The following DYNC1H1 variants were observed in gnomAD, a reference collection of about 807,000 sequenced individuals.
DYNC1H1 encodes the protein cytoplasmic dynein 1 heavy chain 1.
DYNC1H1 carries 51 observed loss-of-function variants against 527.1 expected under a neutral mutation model. That is an observed-to-expected ratio of 0.10 (90% CI 0.08 to 0.12). DYNC1H1 has a LOEUF of 0.12. Ranked by LOEUF, DYNC1H1 falls within the 10% of genes least tolerant of loss-of-function variation. The probability of loss-of-function intolerance (pLI) is 1.00; values close to 1 mark genes in which losing one functional copy is unlikely to be tolerated. For missense variants in DYNC1H1, 2,771 were observed against 5,971.8 expected, an observed-to-expected ratio of 0.46 and a Z score of 17.66; for synonymous variants, 2,189 against 2,278.8, an observed-to-expected ratio of 0.96 and a Z score of 1.12.
rs764050444 is a variant in DYNC1H1 at position 101,985,649 on chromosome 14, T to G, written c.1462-38T>G. 6.2e-7 allele frequency: 1 copy of G among 1,611,296 alleles called. No individual in the cohort carries two copies. The highest frequency in any genetic ancestry group is 8.5e-7 in the Non-Finnish European group (1 of 1,177,440). ...TAAAATAAATTTTAAAGCCTTCGTT[T>G]GGTCAGCATTTCTTGATTACATATC... On this transcript the variant is annotated intron_variant, in intron 7 of 77. Coordinates refer to ENST00000360184, the MANE Select transcript of DYNC1H1 (RefSeq NM_001376.5). This position sits in a 1 kb window ranked among gnomAD's most constrained non-coding sequence, Gnocchi z 5.9.
chr14:102,032,411 C>G lies in DYNC1H1; in HGVS notation c.10023C>G (p.Ile3341Met). The G allele has an allele frequency of 6.2e-7, 1 of 1,614,252 alleles. No individual in the cohort carries two copies. The highest frequency in any genetic ancestry group is 8.5e-7 in the Non-Finnish European group (1 of 1,180,056). Reference sequence around the variant, plus strand: ...CAGACTGGAAGCAGATCCGCTCCATCATCATGCGGGAGAACTTCATCCCCA... The same window carrying G: ...CAGACTGGAAGCAGATCCGCTCCATGATCATGCGGGAGAACTTCATCCCCA... Reference protein sequence around the residue: ...STTDWKQIRSIIMRENFIPTI... With the variant: ...STTDWKQIRSMIMRENFIPTI... The change falls in exon 52 of 78, where the codon ATC becomes ATG. Residue 3341 changes from isoleucine (I) to methionine (M), a missense_variant. This residue lies in a region of DYNC1H1 where 283 missense variants were observed against 737.6 expected (regional missense o/e 0.38). Transcript: ENST00000360184.
intron 2 of DYNC1H1, among the ~76,000 whole-genome samples, chr14:101,977,608 C>G (rs2047816494): frequency 1.3e-5 from 2 of 152,298 alleles, no homozygotes; most frequent in South Asian, 4.1e-4. Flanking sequence ...GTCCCTTATA[C>G]TAATTTTCCC....
At position 102,022,751 on chromosome 14, in the gene DYNC1H1, A is replaced by G. The variant is rs758493928; in HGVS notation, c.8508A>G (p.Arg2836=). Residue 2836 remains arginine (R), a splice_region_variant and synonymous_variant, in exon 43 of 78, where the codon AGA becomes AGG. Coordinates refer to ENST00000360184, the MANE Select transcript of DYNC1H1 (RefSeq NM_001376.5). ...AATGCACATGCTGCTCTCCCCACAG[A>G]CTCGTAGAGGATGAGGAGAGGCGTT... ...AHEALRLFQD[R]LVEDEERRWT... 1 of 1,613,922 alleles carries G rather than the reference A, an allele frequency of 6.2e-7. No individual in the cohort carries two copies. Among genetic ancestry groups the G allele is most frequent in the South Asian group, 1.1e-5 (1 of 91,066 alleles).
chr14:102,043,115 C>T, intron 69 of DYNC1H1: 1 of 342,578 alleles, frequency 2.9e-6, no homozygotes, highest in Non-Finnish European at 5.7e-6. Flanking sequence ...AACTCCGTCT[C>T]TACTAAAAAT....
chr14:101,992,486 A>G (rs941790036), intron 11 of DYNC1H1, among the ~76,000 whole-genome samples: 1 of 152,084 alleles, frequency 6.6e-6, no homozygotes, highest in Non-Finnish European at 1.5e-5. Flanking sequence ...CCGTGTTTCT[A>G]TTTGCATTGT....
intron 1 of DYNC1H1, among the ~76,000 whole-genome samples, chr14:101,975,126 A>G (rs771820015): frequency 4.6e-5 from 7 of 152,198 alleles, no homozygotes; most frequent in Non-Finnish European, 7.3e-5. Flanking sequence ...GGAATCACAA[A>G]CTTCTGAATT....
rs1234988229 is a variant in DYNC1H1 at position 102,001,397 on chromosome 14, G to A, written c.4395+43G>A. On this transcript the variant is annotated intron_variant, in intron 20 of 77. Coordinates refer to ENST00000360184, the MANE Select transcript of DYNC1H1 (RefSeq NM_001376.5). This position sits in a 1 kb window ranked among gnomAD's most constrained non-coding sequence, Gnocchi z 5.0. ...ACGGCTGCTTTACGTTGTGTTTCGG[G>A]CTGTTACATAGATCTGAGCTATGTA... The A allele has an allele frequency of 1.2e-6, 2 of 1,613,334 alleles. No individual in the cohort carries two copies. The highest frequency in any genetic ancestry group is 1.1e-5 in the South Asian group (1 of 90,992).
chr14:102,047,641 G>GTGTGTGTGTATATATATATATA, intron 72 of DYNC1H1, 176 bp from the exon 73 acceptor site: 70 of 316,732 alleles, frequency 2.2e-4, no homozygotes, highest in African/African-American at 7.8e-4. Context: ...GTGTGTGTGT[G>GTGTGTGTGTATATATATATATA]TATATATATA....
Position 102,002,464 on chromosome 14 carries a change from T to C in DYNC1H1, c.4543-73T>C, listed in dbSNP as rs1463267879. ...ACTTCATGAGATCCTGATCTGCGCTTTTTCAGTGAGTTTTGGCATATCTGT... is the reference window on the plus strand; with the variant it reads ...ACTTCATGAGATCCTGATCTGCGCTCTTTCAGTGAGTTTTGGCATATCTGT... On this transcript the variant is annotated intron_variant, in intron 21 of 77. Coordinates refer to ENST00000360184, the MANE Select transcript of DYNC1H1 (RefSeq NM_001376.5). The surrounding 1 kb of genome is among the most constrained non-coding windows in gnomAD (Gnocchi z 4.4). 6.5e-5 allele frequency: 104 copies of C among 1,596,674 alleles called. No homozygotes were observed. Among genetic ancestry groups the C allele is most frequent in the Non-Finnish European group, 8.9e-5 (104 of 1,165,942 alleles).
In DYNC1H1 at chr14:102,028,820, G is replaced by T. The variant is rs17541331; in HGVS notation, c.9468+679G>T. Reference sequence around the variant, plus strand: ...ATAAATGTTTTAACCTTTACAGGTGGAGTAGTCTCGGGCACAGCTACTCAG... The same window carrying T: ...ATAAATGTTTTAACCTTTACAGGTGTAGTAGTCTCGGGCACAGCTACTCAG... On this transcript the variant is annotated intron_variant, in intron 48 of 77. Coordinates refer to ENST00000360184, the MANE Select transcript of DYNC1H1 (RefSeq NM_001376.5). 5.8e-3 allele frequency: 948 copies of T among 162,204 alleles called. 20 individuals are homozygous for T. The highest frequency in any genetic ancestry group is 0.035 in the East Asian group (199 of 5,696). 10.0% of individuals were successfully genotyped at this position (162,204 alleles called of 1,614,324 possible). A position where few individuals can be genotyped will look rare whatever the true frequency, so the allele number is the denominator to read the frequency against.
At position 101,965,512 on chromosome 14, in the gene DYNC1H1, G is replaced by C. The variant is rs141988817; in HGVS notation, c.256+565G>C. ...GGGTGTCCCAGCCCTGCCTTGTGGG[G>C]ACCCAGAGGCCGAGGCCCACAGAGC... On this transcript the variant is annotated intron_variant, in intron 1 of 77. Transcript: ENST00000360184. The surrounding 1 kb of genome is among the most constrained non-coding windows in gnomAD (Gnocchi z 4.1). 6.6e-6 allele frequency among the ~76,000 whole-genome samples: 1 copy of C among 152,290 alleles called. No individual in the cohort carries two copies. The highest frequency in any genetic ancestry group is 1.5e-5 in the Non-Finnish European group (1 of 68,038).
At position 102,042,372 on chromosome 14, in the gene DYNC1H1, TTGTG is replaced by T; in HGVS notation, c.12276-7_12276-4del. The stretch of plus-strand genomic sequence containing the variant: ...CCTGGCATGCTGTGTGACTCTCACT[TTGTG>T]TGTGCAGGTGGGTGATGCTGAAGAA... On this transcript the variant is annotated splice_polypyrimidine_tract_variant and splice_region_variant and intron_variant, in intron 67 of 77. Transcript: ENST00000360184. This position sits in a 1 kb window ranked among gnomAD's most constrained non-coding sequence, Gnocchi z 5.7. 6.2e-7 allele frequency: 1 copy of T among 1,614,116 alleles called. No homozygotes were observed. The highest frequency in any genetic ancestry group is 8.5e-7 in the Non-Finnish European group (1 of 1,180,016).
rs1325985624 is a variant in DYNC1H1 at position 102,009,835 on chromosome 14, A to G, written c.5978-8A>G. ...TTTCTAGTCTTAACGCTATCATCTC[A>G]TTCTCAGCCTCTGCCCCCATTACTT... On this transcript the variant is annotated splice_region_variant and splice_polypyrimidine_tract_variant and intron_variant, in intron 29 of 77. Coordinates refer to ENST00000360184, the MANE Select transcript of DYNC1H1 (RefSeq NM_001376.5). 3 of 1,613,232 alleles carry G rather than the reference A, an allele frequency of 1.9e-6. No homozygotes were observed. The highest frequency in any genetic ancestry group is 1.3e-5 in the African/African-American group (1 of 74,814).
intron 11 of DYNC1H1, among the ~76,000 whole-genome samples, chr14:101,993,740 C>T (rs943453269): frequency 4.6e-5 from 7 of 152,154 alleles, no homozygotes; most frequent in Non-Finnish European, 4.4e-5. Context: ...GCCCACACTC[C>T]CTCTCCTTCT....
At chr14:102,032,814 C>A (rs752152534) in intron 52 of DYNC1H1, 2 of 574,870 alleles carry the variant, frequency 3.5e-6, no homozygotes, top group Non-Finnish European at 6.1e-6. Context: ...GATCACACCA[C>A]CGCACTCCAG....
chr14:102,027,364 C>A lies in DYNC1H1; in HGVS notation c.8887-19C>A. On this transcript the variant is annotated intron_variant, in intron 45 of 77. Transcript: ENST00000360184. The surrounding 1 kb of genome is among the most constrained non-coding windows in gnomAD (Gnocchi z 7.7). ...GCTCAGTGAGTAGGAATGGACCTAA[C>A]TTGCCTCTGCTTCTGTAGGTCCATA... The A allele has an allele frequency of 6.2e-7, 1 of 1,614,132 alleles. No individual in the cohort carries two copies.
In DYNC1H1 at chr14:102,012,176, A is replaced by C. The variant is rs2048265715; in HGVS notation, c.6857+63A>C. Reference sequence around the variant, plus strand: ...TATGGGCGCTAAGTACTTTGCTCTCACAAGAGCAGAGTATACGTTATTTTT... The same window carrying C: ...TATGGGCGCTAAGTACTTTGCTCTCCCAAGAGCAGAGTATACGTTATTTTT... On this transcript the variant is annotated intron_variant, in intron 33 of 77. Transcript: ENST00000360184. The surrounding 1 kb of genome is among the most constrained non-coding windows in gnomAD (Gnocchi z 4.9). The C allele has an allele frequency of 6.2e-7, 1 of 1,605,112 alleles. No individual in the cohort carries two copies. The highest frequency in any genetic ancestry group is 8.5e-7 in the Non-Finnish European group (1 of 1,172,048).
rs1369409012 is a variant in DYNC1H1 at position 102,002,744 on chromosome 14, G to C, written c.4709+41G>C. ...AGAGAGCCAAATTTGCCAGCGGCTA[G>C]TGACTACTCTACACAAAGGCTGACG... On this transcript the variant is annotated intron_variant, in intron 22 of 77. Transcript: ENST00000360184. This position sits in a 1 kb window ranked among gnomAD's most constrained non-coding sequence, Gnocchi z 4.4. 1.1e-5 allele frequency: 17 copies of C among 1,614,102 alleles called. No homozygotes were observed. The highest frequency in any genetic ancestry group is 1.3e-5 in the Non-Finnish European group (15 of 1,180,046).
Position 101,994,922 on chromosome 14 carries a change from T to C in DYNC1H1, c.3334-64T>C, listed in dbSNP as rs1009201434. ...AACATTTCTGTTAGACTGATATTCA[T>C]TTGAAGGATAAACACGCCAGCAGGA... On this transcript the variant is annotated intron_variant, in intron 13 of 77. Coordinates refer to ENST00000360184, the MANE Select transcript of DYNC1H1 (RefSeq NM_001376.5). The C allele has an allele frequency of 2.5e-6, 4 of 1,613,604 alleles. No homozygotes were observed. The African/African-American group carries it at 4.0e-5, about 16-fold the overall frequency.
Sources: allele counts gnomAD v4.1 joint callset (sites outside exome capture counted in the v4.1 genomes callset), GRCh38; gene constraint gnomAD v4.1.1; regional missense constraint gnomAD v4.1.1; non-coding constraint Gnocchi (gnomAD v3.1); transcripts MANE v1.5; gene names NCBI Gene and HGNC (gene_info 2026-07-23, HGNC 2026-07-21).